Variants in ZZEF1 observed in about 807,000 individuals in gnomAD.
The protein encoded by ZZEF1 is zinc finger ZZ-type and EF-hand domain-containing protein 1.
Under a neutral mutation model 342.8 loss-of-function variants are expected in ZZEF1, and 157 were observed. The ratio of observed to expected loss-of-function variants is 0.46; its 90% CI spans 0.40 to 0.52. The LOEUF (loss-of-function observed/expected upper bound fraction) is 0.52. ZZEF1 is among the 20% of genes least tolerant of loss of function. The pLI is 0.00. For synonymous variants in ZZEF1, 1,505 were observed against 1,429.1 expected (o/e 1.05, Z -1.20); for missense variants, 3,480 against 3,725.6 (o/e 0.93, Z 1.72).
At chr17:4,124,786 G>T (rs1567863310) in intron 1 of ZZEF1, among the ~76,000 whole-genome samples, 1 of 152,040 alleles carries the variant, frequency 6.6e-6, no homozygotes, top group Admixed American at 6.6e-5. Flanking sequence ...TTGGACACAA[G>T]AGCTAACTTG....
Position 4,069,628 on chromosome 17 carries a change from C to T in ZZEF1, c.4075+1056G>A, listed in dbSNP as rs183321828. On this transcript the variant is annotated intron_variant, in intron 26 of 54. Coordinates refer to ENST00000381638, the MANE Select transcript of ZZEF1 (RefSeq NM_015113.4). ...GGCAGATCACCTGAGGTCAGGAGTT[C>T]AAGACCAGCCTGGCCAACAGGGCGA... 5.2e-3 allele frequency among the ~76,000 whole-genome samples: 787 copies of T among 152,234 alleles called. 7 individuals are homozygous for T. Among genetic ancestry groups the T allele is most frequent in the African/African-American group, 0.018 (746 of 41,544 alleles).
At chr17:4,115,344 T>G (rs527393148) in intron 3 of ZZEF1, among the ~76,000 whole-genome samples, 1 of 152,104 alleles carries the variant, frequency 6.6e-6, no homozygotes, top group Admixed American at 6.6e-5. Flanking sequence ...TTTTATACTT[T>G]CCTTATGTAT....
intron 39 of ZZEF1, among the ~76,000 whole-genome samples, chr17:4,037,902 C>T (rs1463944408): frequency 6.6e-6 from 1 of 152,176 alleles, no homozygotes; most frequent in Non-Finnish European, 1.5e-5. Flanking sequence ...TTCTGATCCT[C>T]CTGCCATAAA....
chr17:4,009,506 A>G, intron 53 of ZZEF1, 98 bp downstream of exon 53: 1 of 1,555,158 alleles, frequency 6.4e-7, no homozygotes, highest in Non-Finnish European at 8.8e-7. Flanking sequence ...GACCCTGGCC[A>G]CTCAGGCTCG....
intron 34 of ZZEF1, among the ~76,000 whole-genome samples, chr17:4,053,409 C>T (rs968164879): frequency 3.9e-5 from 6 of 152,234 alleles, no homozygotes; most frequent in Non-Finnish European, 8.8e-5. Flanking sequence ...GTTCTAACTT[C>T]CTTCAAAAAC....
intron 32 of ZZEF1, 103 bp downstream of exon 32, chr17:4,057,891 C>T: frequency 8.1e-7 from 1 of 1,235,110 alleles, no homozygotes; most frequent in Non-Finnish European, 1.1e-6. Flanking sequence ...AGATATGACA[C>T]AGACAGTCTA....
chr17:4,021,020 G>C (rs1000964847), intron 45 of ZZEF1, 109 bp downstream of exon 45: 1 of 1,217,124 alleles, frequency 8.2e-7, no homozygotes, highest in Non-Finnish European at 1.2e-6. Context: ...TGAATTCTCA[G>C]GACAGCAGAC....
intron 18 of ZZEF1, among the ~76,000 whole-genome samples, chr17:4,080,778 A>G (rs753961170): frequency 3.3e-5 from 5 of 152,218 alleles, no homozygotes; most frequent in Non-Finnish European, 7.3e-5. Context: ...GACAACCACT[A>G]CAAGGGGACT....
At chr17:4,080,527 G>A (rs963900690) in intron 18 of ZZEF1, among the ~76,000 whole-genome samples, 6 of 151,950 alleles carry the variant, frequency 3.9e-5, no homozygotes, top group African/African-American at 1.5e-4. Context: ...TTAGTAGAAA[G>A]GGAACTAATT....
Position 4,123,648 on chromosome 17 carries a change from C to T in ZZEF1, c.499+259G>A, listed in dbSNP as rs1218528650. Among the ~76,000 whole-genome samples, 4 of 152,022 alleles carry T rather than the reference C, an allele frequency of 2.6e-5. No individual in the cohort carries two copies. The East Asian group carries it at 7.7e-4, about 29-fold the overall frequency. On this transcript the variant is annotated intron_variant, in intron 2 of 54. Transcript: ENST00000381638. ...AATGAACAGTGAAGGCCAAGGAGGGCTTCTGTAGTGAAATGAAGAGATCCA... is the reference window on the plus strand; with the variant it reads ...AATGAACAGTGAAGGCCAAGGAGGGTTTCTGTAGTGAAATGAAGAGATCCA...
At chr17:4,120,533 TG>T (rs1392881943) in intron 2 of ZZEF1, among the ~76,000 whole-genome samples, 1 of 152,176 alleles carries the variant, frequency 6.6e-6, no homozygotes, top group Non-Finnish European at 1.5e-5. Context: ...GTCTGAAAGC[TG>T]GGGAAGAAAG....
Position 4,014,049 on chromosome 17 carries a change from T to TGG in ZZEF1, c.8413+39_8413+40dup. The TGG allele has an allele frequency of 1.3e-6, 2 of 1,583,032 alleles. No individual in the cohort carries two copies. The highest frequency in any genetic ancestry group is 1.7e-6 in the Non-Finnish European group (2 of 1,152,440). ...GGCACCCACAGCCATGGAGTGTCCC[T>TGG]GGCAGGCAGATGGTGTGAACGCAAA... On this transcript the variant is annotated intron_variant, in intron 51 of 54. Transcript: ENST00000381638. The surrounding 1 kb of genome is among the most constrained non-coding windows in gnomAD (Gnocchi z 4.4).
At chr17:4,085,229 A>C (rs1165131594) in intron 16 of ZZEF1, among the ~76,000 whole-genome samples, 8 of 152,130 alleles carry the variant, frequency 5.3e-5, no homozygotes, top group Admixed American at 5.2e-4. Context: ...GGAAAGGAGG[A>C]AAGGGGGGTG....
At chr17:4,128,831 G>A (rs1343557092) in intron 1 of ZZEF1, among the ~76,000 whole-genome samples, 3 of 146,616 alleles carry the variant, frequency 2.0e-5, no homozygotes, top group Non-Finnish European at 4.5e-5. Flanking sequence ...GAGTGCAGTG[G>A]TGGGATCTCG....
At position 4,033,424 on chromosome 17, in the gene ZZEF1, C is replaced by G. The variant is rs746619856; in HGVS notation, c.6585-422G>C. 8 of 165,654 alleles carry G rather than the reference C, an allele frequency of 4.8e-5. No individual in the cohort carries two copies. In the East Asian group the frequency reaches 9.8e-4, roughly 20 times the overall value. 10.3% of individuals were successfully genotyped at this position (165,654 alleles called of 1,614,324 possible). A position where few individuals can be genotyped will look rare whatever the true frequency, so the allele number is the denominator to read the frequency against. On this transcript the variant is annotated intron_variant, in intron 40 of 54. Transcript: ENST00000381638. ...GTGTAATGGCGCGATCTCTGCTGAC[C>G]GTAACCTCCGCCTCCTGAGTTCAAG...
chr17:4,050,746 G>A (rs1307249773), intron 36 of ZZEF1, 35 bp downstream of exon 36: 2 of 1,610,984 alleles, frequency 1.2e-6, no homozygotes, highest in Non-Finnish European at 1.7e-6. Flanking sequence ...CAGCAACTGA[G>A]GGCTGGTTTT....
At position 4,034,035 on chromosome 17, in the gene ZZEF1, C is replaced by T. The variant is rs754194207; in HGVS notation, c.6564G>A (p.Leu2188=). The change falls in exon 40 of 55, where the codon CTG becomes CTA. Residue 2188 remains leucine, a synonymous_variant. Coordinates refer to ENST00000381638, the MANE Select transcript of ZZEF1 (RefSeq NM_015113.4). The stretch of plus-strand genomic sequence containing the variant: ...GCTACCTGTCCAGACACACAGCTCC[C>T]AGGCTAAAGAGCAGGTGGGTGGTTT... ...GWKTTHLLFS[L]GAVCLDSRVG... The T allele has an allele frequency of 1.1e-5, 17 of 1,613,998 alleles. No individual in the cohort carries two copies. The highest frequency in any genetic ancestry group is 5.3e-5 in the African/African-American group (4 of 74,912).
At position 4,088,786 on chromosome 17, in the gene ZZEF1, T is replaced by A. The variant is rs778082232; in HGVS notation, c.2133A>T (p.Glu711Asp). ...TGCAGTGTGCACAGGTGACGCTCTGTTCTGCTTCTGCTCTTGCAGGCCGGA... is the reference window on the plus strand; with the variant it reads ...TGCAGTGTGCACAGGTGACGCTCTGATCTGCTTCTGCTCTTGCAGGCCGGA... ...GYLRPARAEA[E>D]QSVTCAHCRK... Residue 711 changes from glutamate (E) to aspartate (D), a missense_variant, in exon 13 of 55, where the codon GAA becomes GAT. Glu to Asp is a conservative substitution (Grantham distance 45). This residue lies in a region of ZZEF1 where 1,528 missense variants were observed against 1,624.1 expected (regional missense o/e 0.94). Transcript: ENST00000381638. 6.8e-6 allele frequency: 11 copies of A among 1,614,214 alleles called. No homozygotes were observed. Among genetic ancestry groups the A allele is most frequent in the Non-Finnish European group, 9.3e-6 (11 of 1,180,030 alleles).
intron 33 of ZZEF1, 27 bp downstream of exon 33, chr17:4,056,189 C>T: frequency 6.5e-7 from 1 of 1,537,544 alleles, no homozygotes; most frequent in African/African-American, 1.4e-5. Context: ...CAAATCACTT[C>T]AGAGTACTCT....
Sources: allele counts gnomAD v4.1 joint callset (sites outside exome capture counted in the v4.1 genomes callset), GRCh38; gene constraint gnomAD v4.1.1; regional missense constraint gnomAD v4.1.1; non-coding constraint Gnocchi (gnomAD v3.1); transcripts MANE v1.5; gene names NCBI Gene and HGNC (gene_info 2026-07-23, HGNC 2026-07-21).